Variants in DYNC2H1 observed in about 807,000 individuals in gnomAD.
DYNC2H1 encodes dynein cytoplasmic 2 heavy chain 1.
A neutral mutation model predicts 570.0 loss-of-function variants in DYNC2H1; 410 were observed. The observed-to-expected ratio is 0.72, with a 90% CI of 0.66 to 0.78. The LOEUF (loss-of-function observed/expected upper bound fraction) is 0.78, where lower values mean the gene tolerates loss of function less well. DYNC2H1 is among the 30% of genes least tolerant of loss of function. The probability of loss-of-function intolerance (pLI) is 0.00; values close to 1 mark genes in which losing one functional copy is unlikely to be tolerated. For synonymous variants in DYNC2H1, 1,688 were observed against 1,677.6 expected (o/e 1.01, Z -0.15); for missense variants, 4,865 against 5,046.4 (o/e 0.96, Z 1.09).
At chr11:103,246,678 G>A (rs1343407590) in intron 65 of DYNC2H1, among the ~76,000 whole-genome samples, 1 of 151,992 alleles carries the variant, frequency 6.6e-6, no homozygotes, top group Non-Finnish European at 1.5e-5. Context: ...TCCCCTTTGT[G>A]TATATTCCAG....
Position 103,223,077 on chromosome 11 carries a change from G to T in DYNC2H1, c.9344G>T (p.Gly3115Val). ...RIHPLETEQAGLESNLKKTED... is the reference protein window; with the variant it reads ...RIHPLETEQAVLESNLKKTED... ...CATCCTTTGGAAACTGAACAGGCAG[G>T]ATTAGAATCGTAAGTGAAATATAAA... The change falls in exon 59 of 89, where the codon GGA becomes GTA. Residue 3115 changes from glycine (G) to valine (V), a missense_variant. By Grantham distance (109) the Gly-to-Val change is moderately radical (BLOSUM62 -3). Coordinates refer to ENST00000375735, the MANE Select transcript of DYNC2H1 (RefSeq NM_001377.3). The T allele has an allele frequency of 5.6e-6, 9 of 1,609,796 alleles. No homozygotes were observed. Among genetic ancestry groups the T allele is most frequent in the Non-Finnish European group, 7.6e-6 (9 of 1,177,830 alleles).
chr11:103,478,179 G>T (rs1001003981), intron 88 of DYNC2H1, among the ~76,000 whole-genome samples: 1 of 152,056 alleles, frequency 6.6e-6, no homozygotes, highest in African/African-American at 2.4e-5. Flanking sequence ...TAAAAAGAAG[G>T]GGTGGTCATT....
intron 79 of DYNC2H1, among the ~76,000 whole-genome samples, chr11:103,312,649 C>A (rs1565486936): frequency 6.8e-6 from 1 of 147,544 alleles, no homozygotes; most frequent in African/African-American, 2.5e-5. Flanking sequence ...AAATTTATAT[C>A]CTTAATTTGA....
chr11:103,142,257 C>CTGG (rs1859987869), intron 17 of DYNC2H1, among the ~76,000 whole-genome samples: 2 of 152,246 alleles, frequency 1.3e-5, no homozygotes, highest in South Asian at 4.1e-4. Context: ...TGAGATGTAC[C>CTGG]TGGTACCTCA....
At position 103,215,825 on chromosome 11, in the gene DYNC2H1, T is replaced by A; in HGVS notation, c.8799T>A (p.Asp2933Glu). The A allele has an allele frequency of 6.2e-7, 1 of 1,612,756 alleles. No individual in the cohort carries two copies. Among genetic ancestry groups the A allele is most frequent in the South Asian group, 1.1e-5 (1 of 90,896 alleles). Reference sequence around the variant, plus strand: ...TTAAAACGAAGCAAGATGAAGCAGATGCTGCCCTTCAAATGATCACAGTGT... The same window carrying A: ...TTAAAACGAAGCAAGATGAAGCAGAAGCTGCCCTTCAAATGATCACAGTGT... ...VLLKTKQDEA[D>E]AALQMITVSM... The change falls in exon 55 of 89, where the codon GAT becomes GAA. Residue 2933 changes from aspartate to glutamate, a missense_variant. Asp to Glu is a conservative substitution (Grantham distance 45, BLOSUM62 2). This residue lies in a region of DYNC2H1 where 2,401 missense variants were observed against 2,454.6 expected (regional missense o/e 0.98). Coordinates refer to ENST00000375735, the MANE Select transcript of DYNC2H1 (RefSeq NM_001377.3).
chr11:103,210,603 T>C (rs1863118288), intron 53 of DYNC2H1, among the ~76,000 whole-genome samples: 1 of 152,064 alleles, frequency 6.6e-6, no homozygotes, highest in Admixed American at 6.6e-5. Context: ...AGATAAGTGA[T>C]AGTAGAACTT....
chr11:103,121,982 G>A (rs1296282951), intron 10 of DYNC2H1, among the ~76,000 whole-genome samples: 4 of 152,010 alleles, frequency 2.6e-5, no homozygotes, highest in Non-Finnish European at 4.4e-5. Context: ...TTTAGTAGTT[G>A]CAAAGTCTTA....
chr11:103,353,654 A>G (rs1940160992), intron 82 of DYNC2H1, among the ~76,000 whole-genome samples: 1 of 151,984 alleles, frequency 6.6e-6, no homozygotes, highest in Non-Finnish European at 1.5e-5. Context: ...TTTTGCTTTA[A>G]ATTTTGTTGA....
chr11:103,139,391 C>G (rs1859766836), intron 17 of DYNC2H1, among the ~76,000 whole-genome samples: 1 of 151,878 alleles, frequency 6.6e-6, no homozygotes, highest in Non-Finnish European at 1.5e-5. Context: ...TTGAATGTGT[C>G]CCAGAGATTC....
In DYNC2H1 at chr11:103,121,369, T is replaced by C. The variant is rs1219290544; in HGVS notation, c.1361-3T>C. ...AATCATTTATTTGATTTAAATTTTATAGATTTTCGATTAGACTTTGAGAAT... is the reference window on the plus strand; with the variant it reads ...AATCATTTATTTGATTTAAATTTTACAGATTTTCGATTAGACTTTGAGAAT... On this transcript the variant is annotated splice_polypyrimidine_tract_variant and splice_region_variant and intron_variant, in intron 9 of 88. Coordinates refer to ENST00000375735, the MANE Select transcript of DYNC2H1 (RefSeq NM_001377.3). 2 of 1,589,740 alleles carry C rather than the reference T, an allele frequency of 1.3e-6. No homozygotes were observed. The highest frequency in any genetic ancestry group is 8.5e-7 in the Non-Finnish European group (1 of 1,170,118).
At chr11:103,114,302 T>C in intron 3 of DYNC2H1, 64 bp downstream of exon 3, 1 of 1,417,428 alleles carries the variant, frequency 7.1e-7, no homozygotes, top group Non-Finnish European at 9.3e-7. Context: ...CATTAGTAAA[T>C]GAACATATTT....
intron 63 of DYNC2H1, among the ~76,000 whole-genome samples, chr11:103,238,440 G>A (rs192072235): frequency 6.6e-6 from 1 of 152,100 alleles, no homozygotes; most frequent in African/African-American, 2.4e-5. Context: ...ATTTTGTCAT[G>A]CACCTGTAAC....
intron 6 of DYNC2H1, 51 bp from the exon 7 acceptor site, chr11:103,120,396 T>G (rs1858639694): frequency 6.8e-7 from 1 of 1,467,870 alleles, no homozygotes; most frequent in African/African-American, 1.4e-5. Flanking sequence ...GACCTATTTA[T>G]GCAAATGGTT....
Position 103,264,413 on chromosome 11 carries a change from T to C in DYNC2H1, c.10695+4436T>C, listed in dbSNP as rs1865430781. Among the ~76,000 whole-genome samples, 1 of 152,038 alleles carries C rather than the reference T, an allele frequency of 6.6e-6. No individual in the cohort carries two copies. Among genetic ancestry groups the C allele is most frequent in the Non-Finnish European group, 1.5e-5 (1 of 68,006 alleles). ...CAGAAACACAACAAAAAAAGAAAAT[T>C]TCAGGCCAATATCGCTGATGAACAT... On this transcript the variant is annotated intron_variant, in intron 70 of 88. Coordinates refer to ENST00000375735, the MANE Select transcript of DYNC2H1 (RefSeq NM_001377.3). The surrounding 1 kb of genome is among the most constrained non-coding windows in gnomAD (Gnocchi z 4.8).
At chr11:103,413,924 TC>T (rs1168179893) in intron 84 of DYNC2H1, among the ~76,000 whole-genome samples, 1 of 152,210 alleles carries the variant, frequency 6.6e-6, no homozygotes, top group East Asian at 1.9e-4. Flanking sequence ...CCAGAGCTTG[TC>T]CTTTTGTTTG....
intron 75 of DYNC2H1, among the ~76,000 whole-genome samples, chr11:103,295,470 C>T (rs1266648181): frequency 1.3e-5 from 2 of 152,192 alleles, no homozygotes; most frequent in Admixed American, 6.5e-5. Flanking sequence ...AGCACTCCCT[C>T]AACTTAGGGA....
chr11:103,116,750 A>T, intron 5 of DYNC2H1, 36 bp downstream of exon 5: 1 of 1,550,152 alleles, frequency 6.5e-7, no homozygotes, highest in South Asian at 1.3e-5. Flanking sequence ...GAATTTTGAA[A>T]ACCTGTCTTA....
chr11:103,153,540 A>C, intron 22 of DYNC2H1, 32 bp downstream of exon 22: 1 of 1,507,746 alleles, frequency 6.6e-7, no homozygotes, highest in Admixed American at 2.3e-5. Flanking sequence ...GATAGTGCTT[A>C]TTTTGAAAAA....
In DYNC2H1 at chr11:103,334,694, T is replaced by C. The variant is rs1052321709; in HGVS notation, c.12039+10704T>C. 1.3e-5 allele frequency among the ~76,000 whole-genome samples: 2 copies of C among 152,144 alleles called. No homozygotes were observed. Among genetic ancestry groups the C allele is most frequent in the Admixed American group, 6.5e-5 (1 of 15,282 alleles). ...ATATTAAGTACCCAAGAAATGCCCA[T>C]TTAAATTTGAAAATGTTCTGGTAAG... On this transcript the variant is annotated intron_variant, in intron 82 of 88. Transcript: ENST00000375735. This position sits in a 1 kb window ranked among gnomAD's most constrained non-coding sequence, Gnocchi z 4.3.
Sources: allele counts gnomAD v4.1 joint callset (sites outside exome capture counted in the v4.1 genomes callset), GRCh38; gene constraint gnomAD v4.1.1; regional missense constraint gnomAD v4.1.1; non-coding constraint Gnocchi (gnomAD v3.1); transcripts MANE v1.5; gene names NCBI Gene and HGNC (gene_info 2026-07-23, HGNC 2026-07-21).